PLET1: variants seen among roughly 807,000 people sequenced by gnomAD.
The protein encoded by PLET1 is placenta-expressed transcript 1 protein.
PLET1 carries 20 observed loss-of-function variants against 18.5 expected under a neutral mutation model. That is an observed-to-expected ratio of 1.08 (90% CI 0.76 to 1.57). The LOEUF (loss-of-function observed/expected upper bound fraction) is 1.57, where lower values mean the gene tolerates loss of function less well. Among genes scored for constraint, PLET1 ranks in the 40% most tolerant of loss-of-function variants. The probability of loss-of-function intolerance (pLI) is 0.00; values close to 1 mark genes in which losing one functional copy is unlikely to be tolerated. For missense variants in PLET1, 256 were observed against 246.4 expected (o/e 1.04, Z -0.26); for synonymous variants, 93 against 93.8 (o/e 0.99, Z 0.05).
intron 1 of PLET1, among the ~76,000 whole-genome samples, 169 bp from the exon 2 acceptor site, chr11:112,255,758 A>G (rs1184359041): frequency 6.6e-6 from 1 of 152,246 alleles, no homozygotes; most frequent in Non-Finnish European, 1.5e-5. Flanking sequence ...TCTGGAAGGA[A>G]ATACATCAAG....
In PLET1 at chr11:112,260,854, T is replaced by C; in HGVS notation, c.-265A>G. ...CCTGAATATGGTTTTCTTTTACGCCTGTCATTTCAGCATCTGCTGTTTGAA... is the reference window on the plus strand; with the variant it reads ...CCTGAATATGGTTTTCTTTTACGCCCGTCATTTCAGCATCTGCTGTTTGAA... On this transcript the variant is annotated 5_prime_UTR_variant, in exon 1 of 4. Coordinates refer to ENST00000338832, the MANE Select transcript of PLET1 (RefSeq NM_001145024.1). The C allele has an allele frequency of 2.3e-6, 1 of 434,784 alleles. No individual in the cohort carries two copies. Among genetic ancestry groups the C allele is most frequent in the Non-Finnish European group, 4.1e-6 (1 of 243,308 alleles). The allele number at this position is 434,784 out of a possible 1,614,324, so 26.9% of individuals were successfully genotyped here.
At chr11:112,258,639 A>G (rs1860251605) in intron 1 of PLET1, among the ~76,000 whole-genome samples, 3 of 152,114 alleles carry the variant, frequency 2.0e-5, no homozygotes, top group Non-Finnish European at 1.5e-5. Context: ...GAGAGGTATT[A>G]TCTTAAATGC....
intron 3 of PLET1, among the ~76,000 whole-genome samples, chr11:112,251,506 C>T (rs535311405): frequency 4.4e-4 from 67 of 152,302 alleles, no homozygotes; most frequent in Non-Finnish European, 7.5e-4. Context: ...ACCCGGGAGG[C>T]AGAAGTTGCA....
intron 2 of PLET1, among the ~76,000 whole-genome samples, chr11:112,254,920 T>C (rs1592890941): frequency 8.7e-6 from 1 of 115,294 alleles, no homozygotes; most frequent in East Asian, 3.0e-4. Context: ...GTGGGGTATG[T>C]ATGTGTGTGT....
At chr11:112,253,364 G>C (rs577791874) in intron 2 of PLET1, among the ~76,000 whole-genome samples, 19 of 152,208 alleles carry the variant, frequency 1.2e-4, no homozygotes, top group African/African-American at 4.1e-4. Flanking sequence ...GGAGTCCCCT[G>C]CTTTCTGCAT....
chr11:112,258,876 C>T (rs1469504), intron 1 of PLET1, among the ~76,000 whole-genome samples: 96,052 of 151,984 alleles, frequency 0.63, 31,905 homozygotes, highest in East Asian at 0.79. Context: ...GCAAGGTGAG[C>T]GCGTGAAGGC....
At position 112,248,818 on chromosome 11, in the gene PLET1, G is replaced by A. The variant is rs1566826015; in HGVS notation, c.605C>T (p.Thr202Ile). ...TTCCCTTTAGAAGAGAAGTGTGCTG[G>A]TGAGAAAAGCAAGCAGGATATAAAT... ...EAIYILLAFL[T>I]STLLF The change falls in exon 4 of 4, where the codon ACC becomes ATC. Residue 202 changes from threonine to isoleucine, a missense_variant. Physicochemically the swap from Thr to Ile is moderately conservative, Grantham distance 89. Transcript: ENST00000338832. 1.3e-6 allele frequency: 2 copies of A among 1,551,610 alleles called. No individual in the cohort carries two copies. The highest frequency in any genetic ancestry group is 4.9e-5 in the East Asian group (2 of 40,910).
At chr11:112,259,378 G>A (rs948651202) in intron 1 of PLET1, among the ~76,000 whole-genome samples, 2 of 152,012 alleles carry the variant, frequency 1.3e-5, no homozygotes, top group Non-Finnish European at 2.9e-5. Context: ...CTCCCTAATA[G>A]GTCACTATTA....
Position 112,260,391 on chromosome 11 carries a change from A to T in PLET1, c.184+15T>A. The T allele has an allele frequency of 1.9e-6, 3 of 1,546,372 alleles. No homozygotes were observed. The highest frequency in any genetic ancestry group is 2.6e-6 in the Non-Finnish European group (3 of 1,143,002). On this transcript the variant is annotated intron_variant, in intron 1 of 3. Transcript: ENST00000338832. ...CAGGGAACAAAGGACAGCAGAGAGC[A>T]TGGCTTCTACTCACCAGAATAGACT...
chr11:112,254,537 ATGTGTG>A (rs57237248), intron 2 of PLET1, among the ~76,000 whole-genome samples: 1 of 76,256 alleles, frequency 1.3e-5, no homozygotes, highest in Non-Finnish European at 2.6e-5. Flanking sequence ...TGTGTGTGGT[ATGTGTG>A]TGTGTGTGGT....
intron 1 of PLET1, among the ~76,000 whole-genome samples, chr11:112,260,017 G>A (rs921312654): frequency 6.6e-6 from 1 of 152,148 alleles, no homozygotes; most frequent in Non-Finnish European, 1.5e-5. Context: ...CAGCCTGGGT[G>A]ACAAAGTGAG....
chr11:112,257,430 A>G (rs1048324148), intron 1 of PLET1, among the ~76,000 whole-genome samples: 4 of 146,272 alleles, frequency 2.7e-5, no homozygotes, highest in East Asian at 2.0e-4. Flanking sequence ...GCTTTGTGCT[A>G]TGTGCTGTGG....
At chr11:112,255,317 G>T in intron 2 of PLET1, 71 bp downstream of exon 2, 2 of 1,430,056 alleles carry the variant, frequency 1.4e-6, no homozygotes, top group Non-Finnish European at 9.6e-7. Flanking sequence ...AGTCCTCCTA[G>T]CTTAGTGTAA....
In PLET1 at chr11:112,260,693, T is replaced by A; in HGVS notation, c.-104A>T. On this transcript the variant is annotated 5_prime_UTR_variant, in exon 1 of 4. Transcript: ENST00000338832. ...TTCTGGGTGAAGTCATACATGCAGA[T>A]CTTCTCCCTGCCCCTTCTGAATATA... 3 of 988,966 alleles carry A rather than the reference T, an allele frequency of 3.0e-6. No homozygotes were observed. The highest frequency in any genetic ancestry group is 4.4e-6 in the Non-Finnish European group (3 of 675,984). 61.3% of individuals were successfully genotyped at this position (988,966 alleles called of 1,614,324 possible).
intron 3 of PLET1, among the ~76,000 whole-genome samples, chr11:112,251,578 T>A (rs1449113128): frequency 6.6e-6 from 1 of 152,044 alleles, no homozygotes; most frequent in African/African-American, 2.4e-5. Flanking sequence ...CCATCTCAAT[T>A]AAAAGAAAAA....
Position 112,260,640 on chromosome 11 carries a change from A to G in PLET1, c.-51T>C. Reference sequence around the variant, plus strand: ...AGGCCTGGAATTGGGTGAAACTGACAACTCACCTCTTGTTTATATGCCAGG... The same window carrying G: ...AGGCCTGGAATTGGGTGAAACTGACGACTCACCTCTTGTTTATATGCCAGG... On this transcript the variant is annotated 5_prime_UTR_variant, in exon 1 of 4. Coordinates refer to ENST00000338832, the MANE Select transcript of PLET1 (RefSeq NM_001145024.1). 2 of 1,466,962 alleles carry G rather than the reference A, an allele frequency of 1.4e-6. No homozygotes were observed. Among genetic ancestry groups the G allele is most frequent in the South Asian group, 1.3e-5 (1 of 77,756 alleles). The allele number at this position is 1,466,962 out of a possible 1,614,324, so 90.9% of individuals were successfully genotyped here.
At position 112,248,333 on chromosome 11, in the gene PLET1, C is replaced by G. The variant is rs1169607714; in HGVS notation, c.*466G>C. 4 of 359,010 alleles carry G rather than the reference C, an allele frequency of 1.1e-5. No homozygotes were observed. The highest frequency in any genetic ancestry group is 8.4e-5 in the African/African-American group (4 of 47,830). The allele number at this position is 359,010 out of a possible 1,614,324, so 22.2% of individuals were successfully genotyped here. On this transcript the variant is annotated 3_prime_UTR_variant, in exon 4 of 4. Transcript: ENST00000338832. ...GCAGCCTCAGAGCTATTTCTCCTTT[C>G]TCCTTTCTTTCTTGAGTCACATGAG...
At chr11:112,253,710 CTG>C (rs1860182052) in intron 2 of PLET1, among the ~76,000 whole-genome samples, 2 of 152,342 alleles carry the variant, frequency 1.3e-5, no homozygotes, top group South Asian at 4.1e-4. Context: ...TGCAGTCACT[CTG>C]TGGGCACAAT....
At chr11:112,257,850 T>A (rs1344702851) in intron 1 of PLET1, among the ~76,000 whole-genome samples, 1 of 152,198 alleles carries the variant, frequency 6.6e-6, no homozygotes, top group Non-Finnish European at 1.5e-5. Flanking sequence ...TTGGCCTGGG[T>A]GGCCATTTAC....
Sources: allele counts gnomAD v4.1 joint callset (sites outside exome capture counted in the v4.1 genomes callset), GRCh38; gene constraint gnomAD v4.1.1; transcripts MANE v1.5; gene names NCBI Gene and HGNC (gene_info 2026-07-23, HGNC 2026-07-21).